RASA2: variants seen among roughly 807,000 people sequenced by gnomAD.
The protein encoded by RASA2 is RAS p21 protein activator 2, also known as ras GTPase-activating protein 2.
A neutral mutation model predicts 118.2 loss-of-function variants in RASA2; 155 were observed. That is an observed-to-expected ratio of 1.31 (90% confidence interval 1.15 to 1.50). The LOEUF (loss-of-function observed/expected upper bound fraction) is 1.50. RASA2 is among the 40% of genes most tolerant of loss of function. The pLI, the probability that RASA2 is intolerant of heterozygous loss-of-function variation, is 0.00. For missense variants in RASA2, 1,016 were observed against 1,009.6 expected (o/e 1.01, Z -0.09); for synonymous variants, 353 against 349.1 (o/e 1.01, Z -0.12).
At chr3:141,554,837 A>G (rs1206444797) in intron 6 of RASA2, among the ~76,000 whole-genome samples, 1 of 152,216 alleles carries the variant, frequency 6.6e-6, no homozygotes, top group Non-Finnish European at 1.5e-5. Context: ...AAATGCTATT[A>G]GAGAGATTTA....
intron 9 of RASA2, among the ~76,000 whole-genome samples, chr3:141,560,468 G>T (rs2082714957): frequency 6.6e-6 from 1 of 152,090 alleles, no homozygotes; most frequent in Non-Finnish European, 1.5e-5. Context: ...ACTGTAGATG[G>T]CCCTAATGTT....
Position 141,613,222 on chromosome 3 carries a change from G to A in RASA2, c.*909G>A, listed in dbSNP as rs2083679350. 3 of 152,100 alleles carry A rather than the reference G, an allele frequency of 2.0e-5. No homozygotes were observed. The highest frequency in any genetic ancestry group is 7.2e-5 in the African/African-American group (3 of 41,416). The allele number at this position is 152,100 out of a possible 1,614,324, so 9.4% of individuals were successfully genotyped here. The stretch of plus-strand genomic sequence containing the variant: ...ATAGTGTTCGGTTCTGATCTTCCTC[G>A]AGAACAGTCACTTGGCGCACTTTAA... On this transcript the variant is annotated 3_prime_UTR_variant, in exon 24 of 24. Transcript: ENST00000286364.
At chr3:141,557,074 A>G (rs1560030294) in intron 7 of RASA2, among the ~76,000 whole-genome samples, 1 of 152,224 alleles carries the variant, frequency 6.6e-6, no homozygotes, top group South Asian at 2.1e-4. Flanking sequence ...TAGCCCACAT[A>G]CCTTAAACCT....
At chr3:141,587,106 G>A (rs1024983237) in intron 19 of RASA2, among the ~76,000 whole-genome samples, 5 of 152,092 alleles carry the variant, frequency 3.3e-5, no homozygotes, top group Non-Finnish European at 5.9e-5. Context: ...ATTCCATATC[G>A]AATAAATGAG....
chr3:141,529,291 T>C (rs2082225695), intron 3 of RASA2, among the ~76,000 whole-genome samples: 1 of 152,130 alleles, frequency 6.6e-6, no homozygotes, highest in African/African-American at 2.4e-5. Context: ...TTATAAACTC[T>C]TACTAAATGC....
intron 9 of RASA2, among the ~76,000 whole-genome samples, chr3:141,564,772 G>A (rs2082791408): frequency 6.6e-6 from 1 of 152,164 alleles, no homozygotes; most frequent in African/African-American, 2.4e-5. Flanking sequence ...AAGCACATGG[G>A]GGTGGTGGTA....
chr3:141,590,391 A>C (rs1351155821), intron 19 of RASA2, among the ~76,000 whole-genome samples: 2 of 152,204 alleles, frequency 1.3e-5, no homozygotes, highest in African/African-American at 4.8e-5. Flanking sequence ...GATGTCTGTG[A>C]ACCATAATAT....
intron 17 of RASA2, among the ~76,000 whole-genome samples, chr3:141,585,383 A>G (rs567310473): frequency 5.9e-5 from 9 of 152,232 alleles, no homozygotes; most frequent in Non-Finnish European, 1.2e-4. Context: ...AGTACTTCAA[A>G]TCAAAGACAA....
chr3:141,596,115 G>A (rs895278775), intron 19 of RASA2, among the ~76,000 whole-genome samples: 3 of 152,122 alleles, frequency 2.0e-5, no homozygotes, highest in Admixed American at 1.3e-4. Flanking sequence ...AAAATAGGCC[G>A]CCATATGCTG....
At chr3:141,558,786 C>T in intron 7 of RASA2, 100 bp from the exon 8 acceptor site, 3 of 947,666 alleles carry the variant, frequency 3.2e-6, no homozygotes, top group Non-Finnish European at 4.9e-6. Context: ...TTTTCCTCTG[C>T]TTTTATCCAC....
chr3:141,599,710 T>A (rs1021403696), intron 19 of RASA2, among the ~76,000 whole-genome samples: 1 of 145,422 alleles, frequency 6.9e-6, no homozygotes, highest in African/African-American at 2.4e-5. Flanking sequence ...CCTCCTTATG[T>A]GATAAAGGAG....
chr3:141,567,078 G>T (rs2082831100), intron 9 of RASA2, among the ~76,000 whole-genome samples: 3 of 152,080 alleles, frequency 2.0e-5, no homozygotes, highest in African/African-American at 7.2e-5. Context: ...CTTTAGAAAG[G>T]CCTTAGCACA....
At chr3:141,580,079 AAAAAAAATATAT>A (rs2083080990) in intron 15 of RASA2, among the ~76,000 whole-genome samples, 3 of 101,904 alleles carry the variant, frequency 2.9e-5, no homozygotes, top group East Asian at 7.3e-4. Context: ...GAAAAAAAAA[AAAAAAAATATAT>A]ATATATATAT....
chr3:141,570,652 G>C (rs2082903478), intron 9 of RASA2, among the ~76,000 whole-genome samples: 1 of 152,074 alleles, frequency 6.6e-6, no homozygotes, highest in African/African-American at 2.4e-5. Flanking sequence ...TCAAACTCTT[G>C]TTCAACTCCT....
At chr3:141,579,118 G>A (rs528118690) in intron 15 of RASA2, among the ~76,000 whole-genome samples, 127 of 152,144 alleles carry the variant, frequency 8.3e-4, no homozygotes, top group Admixed American at 7.9e-4. Flanking sequence ...TTCAATGTGG[G>A]GGTTGGGGGG....
chr3:141,551,202 C>T (rs543423599), intron 5 of RASA2, among the ~76,000 whole-genome samples: 1 of 152,252 alleles, frequency 6.6e-6, no homozygotes, highest in South Asian at 2.1e-4. Flanking sequence ...TTGTTCGGCA[C>T]TTGGTTAAGT....
intron 19 of RASA2, among the ~76,000 whole-genome samples, chr3:141,595,301 A>G (rs1004088060): frequency 2.0e-5 from 3 of 152,242 alleles, no homozygotes; most frequent in African/African-American, 7.2e-5. Context: ...ATACATTGAA[A>G]GAGACTATCA....
intron 21 of RASA2, among the ~76,000 whole-genome samples, chr3:141,609,175 T>C (rs760786186): frequency 2.6e-5 from 4 of 152,244 alleles, no homozygotes; most frequent in East Asian, 1.9e-4. Flanking sequence ...TATATTGTTT[T>C]GTGATGAAGC....
intron 1 of RASA2, among the ~76,000 whole-genome samples, chr3:141,494,738 CT>C (rs1553779521): frequency 6.6e-6 from 1 of 151,274 alleles, no homozygotes; most frequent in Non-Finnish European, 1.5e-5. Context: ...TTTTAAGAGC[CT>C]TTTTTTTTGA....
Sources: gnomAD v4.1 joint callset for allele counts (sites outside exome capture counted in the v4.1 genomes callset) on GRCh38, gnomAD v4.1.1 for gene constraint, MANE v1.5 for transcripts, NCBI Gene and HGNC (gene_info 2026-07-23, HGNC 2026-07-21) for gene names.